SGCZ: variants seen among roughly 807,000 people sequenced by gnomAD.
The protein encoded by SGCZ is zeta-sarcoglycan.
A neutral mutation model predicts 41.3 loss-of-function variants in SGCZ; 40 were observed. The ratio of observed to expected loss-of-function variants is 0.97; its 90% CI spans 0.75 to 1.26. The LOEUF is 1.26. Ranked by LOEUF, SGCZ falls within the 50% of genes most tolerant of loss-of-function variation. The pLI is 0.00. For synonymous variants in SGCZ, 206 were observed against 137.5 expected (o/e 1.50, Z -3.49); for missense variants, 552 against 369.8 (o/e 1.49, Z -4.04).
At chr8:14,484,537 G>T (rs1472107278) in intron 2 of SGCZ, among the ~76,000 whole-genome samples, 1 of 151,982 alleles carries the variant, frequency 6.6e-6, no homozygotes, top group African/African-American at 2.4e-5. Context: ...TACACACATA[G>T]AACAAATGTT....
intron 2 of SGCZ, among the ~76,000 whole-genome samples, chr8:14,514,476 G>A (rs77330130): frequency 8.7e-4 from 132 of 151,782 alleles, no homozygotes; most frequent in African/African-American, 3.1e-3. Flanking sequence ...TATACATTAA[G>A]GAATATGGTA....
chr8:14,227,145 C>A (rs1388335847), intron 4 of SGCZ, among the ~76,000 whole-genome samples: 1 of 152,088 alleles, frequency 6.6e-6, no homozygotes, highest in African/African-American at 2.4e-5. Context: ...AAAGAAAGCA[C>A]ATTTTCTTAG....
At chr8:15,196,046 C>T (rs1235116274) in intron 1 of SGCZ, among the ~76,000 whole-genome samples, 9 of 146,892 alleles carry the variant, frequency 6.1e-5, no homozygotes, top group East Asian at 2.0e-4. Context: ...TACAGGCGCC[C>T]GCTACCACGC....
intron 1 of SGCZ, among the ~76,000 whole-genome samples, chr8:14,813,479 G>A (rs1402291824): frequency 6.6e-6 from 1 of 152,018 alleles, no homozygotes; most frequent in East Asian, 1.9e-4. Flanking sequence ...CTCTGTTTGG[G>A]GAAAATATAT....
chr8:14,443,208 T>C (rs1298490505), intron 2 of SGCZ, among the ~76,000 whole-genome samples: 5 of 152,036 alleles, frequency 3.3e-5, no homozygotes, highest in African/African-American at 1.2e-4. Flanking sequence ...GTAGGAAGAA[T>C]CAATATTGTG....
intron 4 of SGCZ, among the ~76,000 whole-genome samples, chr8:14,234,666 C>T (rs1806692080): frequency 6.6e-6 from 1 of 151,796 alleles, no homozygotes; most frequent in African/African-American, 2.4e-5. Context: ...CACATAAAAA[C>T]TGAAAGAATA....
At chr8:14,319,513 C>A (rs73209868) in intron 3 of SGCZ, 47,715 of 151,762 alleles carry the variant, frequency 0.31, 8,743 homozygotes, top group South Asian at 0.5. Context: ...CCAGGAAAAT[C>A]CCCCATGCAG....
chr8:14,269,261 AAT>A (rs1005745826), intron 3 of SGCZ, among the ~76,000 whole-genome samples: 9 of 152,188 alleles, frequency 5.9e-5, no homozygotes, highest in African/African-American at 2.2e-4. Flanking sequence ...ATTTTGTAAC[AAT>A]ATGTTAATTC....
At chr8:14,960,159 C>G (rs765018760) in intron 1 of SGCZ, among the ~76,000 whole-genome samples, 1 of 152,078 alleles carries the variant, frequency 6.6e-6, no homozygotes, top group Non-Finnish European at 1.5e-5. Context: ...TCTTATATAT[C>G]CATGAATAAT....
At chr8:14,855,525 C>T (rs961325368) in intron 1 of SGCZ, among the ~76,000 whole-genome samples, 6 of 152,162 alleles carry the variant, frequency 3.9e-5, no homozygotes, top group Non-Finnish European at 7.3e-5. Context: ...TAAAATCTGC[C>T]TTGACTAGAA....
At chr8:14,643,311 C>T (rs989883961) in intron 1 of SGCZ, among the ~76,000 whole-genome samples, 27 of 151,460 alleles carry the variant, frequency 1.8e-4, no homozygotes, top group African/African-American at 6.5e-4. Context: ...ATATATTTCA[C>T]TTTCTCTGTC....
At chr8:14,327,590 A>C (rs1469388133) in intron 2 of SGCZ, among the ~76,000 whole-genome samples, 1 of 152,226 alleles carries the variant, frequency 6.6e-6, no homozygotes, top group Non-Finnish European at 1.5e-5. Context: ...ATGGCTGGAA[A>C]TAAGAGGACT....
chr8:14,813,900 C>A (rs765244274), intron 1 of SGCZ, among the ~76,000 whole-genome samples: 2 of 152,098 alleles, frequency 1.3e-5, no homozygotes, highest in African/African-American at 2.4e-5. Flanking sequence ...TTGCAGTGAG[C>A]CAAGATAGTG....
intron 3 of SGCZ, among the ~76,000 whole-genome samples, chr8:14,273,209 T>C (rs1300071797): frequency 2.0e-5 from 3 of 152,134 alleles, no homozygotes; most frequent in Non-Finnish European, 4.4e-5. Context: ...AAAATTAAAA[T>C]AATATAAAAT....
At chr8:14,455,708 T>C (rs2116937299) in intron 2 of SGCZ, among the ~76,000 whole-genome samples, 1 of 152,354 alleles carries the variant, frequency 6.6e-6, no homozygotes, top group African/African-American at 2.4e-5. Flanking sequence ...CAAATGACCA[T>C]ACTTAGGAAA....
chr8:15,117,522 G>A (rs1210766454), intron 1 of SGCZ, among the ~76,000 whole-genome samples: 1 of 152,104 alleles, frequency 6.6e-6, no homozygotes, highest in Non-Finnish European at 1.5e-5. Flanking sequence ...CAAGCCTTAT[G>A]TCTGATCCTT....
intron 1 of SGCZ, among the ~76,000 whole-genome samples, chr8:14,787,071 A>C (rs1239971547): frequency 6.6e-6 from 1 of 152,142 alleles, no homozygotes; most frequent in Non-Finnish European, 1.5e-5. Flanking sequence ...GAATAGCATG[A>C]AAATAGATGG....
At chr8:14,477,121 T>C (rs1490531076) in intron 2 of SGCZ, among the ~76,000 whole-genome samples, 4 of 152,230 alleles carry the variant, frequency 2.6e-5, no homozygotes, top group Admixed American at 6.5e-5. Flanking sequence ...ATTCACTCTA[T>C]GTGTCTTTTC....
At chr8:14,614,310 C>T (rs1268602690) in intron 1 of SGCZ, among the ~76,000 whole-genome samples, 5 of 151,990 alleles carry the variant, frequency 3.3e-5, no homozygotes, top group Non-Finnish European at 7.4e-5. Context: ...CATATTTTTC[C>T]ATATAATTAC....
Sources: gnomAD v4.1 joint callset for allele counts (sites outside exome capture counted in the v4.1 genomes callset) on GRCh38, gnomAD v4.1.1 for gene constraint, MANE v1.5 for transcripts, NCBI Gene and HGNC (gene_info 2026-07-23, HGNC 2026-07-21) for gene names.